The following TBCEL variants were observed in gnomAD, a reference collection of about 807,000 sequenced individuals.
The protein encoded by TBCEL is tubulin-specific chaperone cofactor E-like protein.
TBCEL carries 15 observed loss-of-function variants against 44.2 expected under a neutral mutation model. The ratio of observed to expected loss-of-function variants is 0.34; its 90% CI spans 0.23 to 0.52. TBCEL has a LOEUF of 0.52. Ranked by LOEUF, TBCEL falls within the 20% of genes least tolerant of loss-of-function variation. The probability of loss-of-function intolerance (pLI) is 0.95; values close to 1 mark genes in which losing one functional copy is unlikely to be tolerated. For missense variants in TBCEL, 319 were observed against 506.3 expected (o/e 0.63, Z 3.55); for synonymous variants, 171 against 185.4 (o/e 0.92, Z 0.63).
intron 8 of TBCEL, among the ~76,000 whole-genome samples, chr11:121,077,501 T>C (rs1256179067): frequency 6.6e-6 from 1 of 152,126 alleles, no homozygotes; most frequent in African/African-American, 2.4e-5. Context: ...AGTGCCAATA[T>C]TGGCATCATC....
At chr11:121,081,203 T>C (rs1946118107) in intron 8 of TBCEL, among the ~76,000 whole-genome samples, 1 of 152,216 alleles carries the variant, frequency 6.6e-6, no homozygotes, top group Non-Finnish European at 1.5e-5. Flanking sequence ...CATTTATCAC[T>C]CTCAGTTGCC....
rs144423572 is a variant in TBCEL at position 121,026,879 on chromosome 11, G to A, written c.-126+2588G>A. Among the ~76,000 whole-genome samples the A allele has an allele frequency of 9.2e-5, 14 of 152,130 alleles. No individual in the cohort carries two copies. The South Asian group carries it at 1.2e-3, about 14-fold the overall frequency. On this transcript the variant is annotated intron_variant, in intron 1 of 8. Coordinates refer to ENST00000683345, the MANE Select transcript of TBCEL (RefSeq NM_001363644.2). ...TATGTACTTGTCAATAAACAGTTAC[G>A]GAGAAGTGACCCTGAGTGATTGTGT...
At chr11:121,065,970 C>A (rs1945813239) in intron 8 of TBCEL, among the ~76,000 whole-genome samples, 1 of 152,224 alleles carries the variant, frequency 6.6e-6, no homozygotes, top group Non-Finnish European at 1.5e-5. Flanking sequence ...TAATCCACTC[C>A]TTGGTACCAG....
chr11:121,043,247 C>T (rs781551072), intron 2 of TBCEL, among the ~76,000 whole-genome samples: 9 of 152,074 alleles, frequency 5.9e-5, no homozygotes, highest in Admixed American at 2.6e-4. Flanking sequence ...TACTCGGCAA[C>T]GTTTATCAAA....
At chr11:121,053,433 C>A in intron 4 of TBCEL, 118 bp from the exon 5 acceptor site, 1 of 825,746 alleles carries the variant, frequency 1.2e-6, no homozygotes, top group Non-Finnish European at 1.9e-6. Context: ...AATAATAGGA[C>A]TCCTTGATGT....
rs531220387 is a variant in TBCEL at position 121,055,920 on chromosome 11, T to C, written c.712+612T>C. 9.9e-5 allele frequency among the ~76,000 whole-genome samples: 15 copies of C among 151,896 alleles called. No individual in the cohort carries two copies. The East Asian group carries it at 2.9e-3, about 30-fold the overall frequency. ...CAGTGTCCCATAGCAAAATGGTACA[T>C]TTGTACATAGCAAATGGTACAAATG... On this transcript the variant is annotated intron_variant, in intron 6 of 8. Transcript: ENST00000683345.
chr11:121,070,524 T>TA (rs1212935705), intron 8 of TBCEL, among the ~76,000 whole-genome samples: 12 of 152,018 alleles, frequency 7.9e-5, no homozygotes, highest in Non-Finnish European at 1.6e-4. Flanking sequence ...TATGCAGCCA[T>TA]AAAAAAGGAT....
At chr11:121,077,052 A>T (rs1178181028) in intron 8 of TBCEL, among the ~76,000 whole-genome samples, 1 of 151,982 alleles carries the variant, frequency 6.6e-6, no homozygotes, top group Non-Finnish European at 1.5e-5. Context: ...TTGATTTGCT[A>T]ATATTTTGTT....
chr11:121,050,101 T>A (rs967655575), intron 4 of TBCEL, among the ~76,000 whole-genome samples: 1 of 151,624 alleles, frequency 6.6e-6, no homozygotes, highest in Non-Finnish European at 1.5e-5. Context: ...TTGATCCCAG[T>A]CTTCTAGAGG....
intron 1 of TBCEL, among the ~76,000 whole-genome samples, chr11:121,034,898 T>C (rs893652349): frequency 6.6e-6 from 1 of 152,080 alleles, no homozygotes; most frequent in Admixed American, 6.5e-5. Context: ...TTGAGTAGTG[T>C]GTTGAAGGAT....
At chr11:121,040,986 G>A (rs1945322339) in intron 2 of TBCEL, among the ~76,000 whole-genome samples, 1 of 152,154 alleles carries the variant, frequency 6.6e-6, no homozygotes, top group African/African-American at 2.4e-5. Flanking sequence ...GATTTAAAAT[G>A]TATGTTTTAG....
At position 121,075,472 on chromosome 11, in the gene TBCEL, C is replaced by T. The variant is rs574372177; in HGVS notation, c.957-11306C>T. 1.6e-3 allele frequency among the ~76,000 whole-genome samples: 245 copies of T among 152,036 alleles called. No homozygotes were observed. In the Middle Eastern group the frequency reaches 0.017, roughly 11 times the overall value. ...TGTTTTAGCTATTTTAGGGCCTTTG[C>T]CTTTCCATATAAATTTTGGGCTAAT... On this transcript the variant is annotated intron_variant, in intron 8 of 8. Coordinates refer to ENST00000683345, the MANE Select transcript of TBCEL (RefSeq NM_001363644.2).
At chr11:121,024,690 G>T (rs776977665) in intron 1 of TBCEL, among the ~76,000 whole-genome samples, 44 of 152,164 alleles carry the variant, frequency 2.9e-4, no homozygotes, top group Non-Finnish European at 5.6e-4. Context: ...ACGTGTCTGG[G>T]ACTGCTGGGG....
chr11:121,028,897 T>C (rs528745888), intron 1 of TBCEL, among the ~76,000 whole-genome samples: 1 of 152,214 alleles, frequency 6.6e-6, no homozygotes, highest in Non-Finnish European at 1.5e-5. Context: ...CATGTTAGGA[T>C]TTTTCCCCTT....
chr11:121,067,412 A>G (rs1945840026), intron 8 of TBCEL, among the ~76,000 whole-genome samples: 1 of 152,250 alleles, frequency 6.6e-6, no homozygotes, highest in South Asian at 2.1e-4. Flanking sequence ...ACAGGTGCTC[A>G]ATTATCCTTT....
Position 121,064,581 on chromosome 11 carries a change from C to T in TBCEL, c.956+4496C>T, listed in dbSNP as rs143901537. On this transcript the variant is annotated intron_variant, in intron 8 of 8. Coordinates refer to ENST00000683345, the MANE Select transcript of TBCEL (RefSeq NM_001363644.2). Reference sequence around the variant, plus strand: ...TTCCTATGCACTAGTGGTTCAATGCCACTGCTTGGTCTCTTCCATCCTTCA... The same window carrying T: ...TTCCTATGCACTAGTGGTTCAATGCTACTGCTTGGTCTCTTCCATCCTTCA... Among the ~76,000 whole-genome samples, 711 of 152,232 alleles carry T rather than the reference C, an allele frequency of 4.7e-3. 5 individuals are homozygous for T. The highest frequency in any genetic ancestry group is 0.017 in the Middle Eastern group (5 of 294).
intron 8 of TBCEL, among the ~76,000 whole-genome samples, chr11:121,074,553 ACTAT>A (rs1235397199): frequency 6.6e-6 from 1 of 151,968 alleles, no homozygotes; most frequent in Non-Finnish European, 1.5e-5. Flanking sequence ...CCTGCTAATG[ACTAT>A]CTTTTAGTAG....
rs771076664 is a variant in TBCEL at position 121,037,963 on chromosome 11, AT to A, written c.-18+1366del. On this transcript the variant is annotated intron_variant, in intron 2 of 8. Coordinates refer to ENST00000683345, the MANE Select transcript of TBCEL (RefSeq NM_001363644.2). ...GGAAATTGTAAAAAATGCAGAATGA[AT>A]TTTTTTTTTTTTTTAGACGGAGTCT... Among the ~76,000 whole-genome samples, 840 of 144,072 alleles carry A rather than the reference AT, an allele frequency of 5.8e-3. 2 individuals carry two copies. The highest frequency in any genetic ancestry group is 7.9e-3 in the African/African-American group (314 of 39,524). The allele number at this position is 144,072 out of a possible 152,430, so 94.5% of individuals were successfully genotyped here.
At chr11:121,052,760 T>C (rs1315090192) in intron 4 of TBCEL, among the ~76,000 whole-genome samples, 1 of 151,888 alleles carries the variant, frequency 6.6e-6, no homozygotes, top group Non-Finnish European at 1.5e-5. Flanking sequence ...TTTGTAACTG[T>C]AAGGCCTTAG....
Sources: allele counts gnomAD v4.1 joint callset (sites outside exome capture counted in the v4.1 genomes callset), GRCh38; gene constraint gnomAD v4.1.1; transcripts MANE v1.5; gene names NCBI Gene and HGNC (gene_info 2026-07-23, HGNC 2026-07-21).